The following TMEM135 variants were observed in gnomAD, a reference collection of about 807,000 sequenced individuals.
TMEM135 encodes the protein peroxisomal membrane protein 52.
TMEM135 carries 30 observed loss-of-function variants against 60.3 expected under a neutral mutation model. That is an observed-to-expected ratio of 0.50 (90% confidence interval 0.37 to 0.68). The LOEUF (loss-of-function observed/expected upper bound fraction) is 0.68, where lower values mean the gene tolerates loss of function less well. Among genes scored for constraint, TMEM135 ranks in the 30% least tolerant of loss-of-function variants. The pLI is 0.00. For synonymous variants in TMEM135, 190 were observed against 186.7 expected, an observed-to-expected ratio of 1.02 and a Z score of -0.14; for missense variants, 468 against 548.8, an observed-to-expected ratio of 0.85 and a Z score of 1.47.
At chr11:87,105,659 A>G (rs1286450881) in intron 4 of TMEM135, among the ~76,000 whole-genome samples, 4 of 152,236 alleles carry the variant, frequency 2.6e-5, no homozygotes, top group African/African-American at 4.8e-5. Flanking sequence ...TTTATATGCT[A>G]CATGTAATAT....
intron 4 of TMEM135, among the ~76,000 whole-genome samples, chr11:87,131,458 T>A (rs913815371): frequency 1.3e-5 from 2 of 152,196 alleles, no homozygotes; most frequent in Admixed American, 1.3e-4. Context: ...GAATGTGTTA[T>A]GTATACTATT....
At chr11:87,075,629 C>G (rs1856855951) in intron 3 of TMEM135, among the ~76,000 whole-genome samples, 1 of 152,126 alleles carries the variant, frequency 6.6e-6, no homozygotes, top group Non-Finnish European at 1.5e-5. Context: ...CACTTTTTCC[C>G]TCTACAGCAT....
chr11:87,208,578 A>G (rs1277370447), intron 5 of TMEM135, among the ~76,000 whole-genome samples: 1 of 152,226 alleles, frequency 6.6e-6, no homozygotes, highest in Non-Finnish European at 1.5e-5. Flanking sequence ...GACCAAACCT[A>G]CAACTCATTG....
chr11:87,286,472 C>T (rs964130046), intron 6 of TMEM135, among the ~76,000 whole-genome samples: 13 of 152,236 alleles, frequency 8.5e-5, no homozygotes, highest in Non-Finnish European at 1.6e-4. Context: ...GTGGACCCTG[C>T]GCCAGGGCCA....
chr11:87,299,178 C>T (rs531953294), intron 7 of TMEM135, among the ~76,000 whole-genome samples: 1 of 152,326 alleles, frequency 6.6e-6, no homozygotes, highest in African/African-American at 2.4e-5. Flanking sequence ...TCTGTTCTCA[C>T]ACTGCTATAA....
intron 7 of TMEM135, among the ~76,000 whole-genome samples, chr11:87,298,492 T>C (rs529331668): frequency 6.6e-6 from 1 of 152,284 alleles, no homozygotes; most frequent in African/African-American, 2.4e-5. Context: ...CTTTAAAATA[T>C]TAAATTTTCC....
intron 5 of TMEM135, among the ~76,000 whole-genome samples, chr11:87,166,726 A>C (rs978199142): frequency 6.7e-6 from 1 of 149,708 alleles, no homozygotes; most frequent in African/African-American, 2.5e-5. Context: ...TATAGTTTGA[A>C]GTAAGGTAGT....
intron 5 of TMEM135, among the ~76,000 whole-genome samples, chr11:87,162,038 A>G (rs1176486100): frequency 6.6e-6 from 1 of 152,228 alleles, no homozygotes; most frequent in Non-Finnish European, 1.5e-5. Context: ...AATAAAAAAC[A>G]TGCACAACAA....
chr11:87,080,844 G>A (rs1440018153), intron 3 of TMEM135, among the ~76,000 whole-genome samples: 2 of 151,896 alleles, frequency 1.3e-5, no homozygotes, highest in Non-Finnish European at 2.9e-5. Flanking sequence ...GTGCCACCAC[G>A]CCTGGCTAAT....
At chr11:87,195,381 C>CT (rs1210928611) in intron 5 of TMEM135, among the ~76,000 whole-genome samples, 2,517 of 123,536 alleles carry the variant, frequency 0.02, 209 homozygotes, top group Middle Eastern at 0.045. Context: ...TTCCTTCCTT[C>CT]CTTCCTTCCT....
At chr11:87,315,698 G>A (rs1043449442) in intron 12 of TMEM135, among the ~76,000 whole-genome samples, 6 of 151,846 alleles carry the variant, frequency 4.0e-5, no homozygotes, top group Admixed American at 6.6e-5. Context: ...TCTGAAATAC[G>A]TTGTTCTGGA....
chr11:87,325,702 ATT>A lies in TMEM135; in HGVS notation c.*4378_*4379del, dbSNP rs11308630. 1.3e-5 allele frequency: 6 copies of A among 447,676 alleles called. No individual in the cohort carries two copies. The highest frequency in any genetic ancestry group is 7.9e-5 in the South Asian group (5 of 63,438). The allele number at this position is 447,676 out of a possible 1,614,324, so 27.7% of individuals were successfully genotyped here. On this transcript the variant is annotated 3_prime_UTR_variant, in exon 15 of 15. Coordinates refer to ENST00000305494, the MANE Select transcript of TMEM135 (RefSeq NM_022918.4). ...GGAGTAAACATTTCCAGAGACACTGATTTTTTTTTTATATGCTCTGTTTTTCT... is the reference window on the plus strand; with the variant it reads ...GGAGTAAACATTTCCAGAGACACTGATTTTTTTTATATGCTCTGTTTTTCT...
intron 7 of TMEM135, among the ~76,000 whole-genome samples, chr11:87,298,280 T>G (rs1163477183): frequency 6.6e-6 from 1 of 152,168 alleles, no homozygotes; most frequent in Non-Finnish European, 1.5e-5. Context: ...ACTCAGAGCT[T>G]GATACATTTG....
chr11:87,144,622 A>G (rs1190954899), intron 4 of TMEM135, among the ~76,000 whole-genome samples: 1 of 152,034 alleles, frequency 6.6e-6, no homozygotes, highest in Non-Finnish European at 1.5e-5. Flanking sequence ...TGAAGAAAGT[A>G]TTACCTTTAA....
At chr11:87,248,863 T>C (rs1158687047) in intron 6 of TMEM135, among the ~76,000 whole-genome samples, 1 of 152,192 alleles carries the variant, frequency 6.6e-6, no homozygotes, top group Non-Finnish European at 1.5e-5. Flanking sequence ...TAATTGTATT[T>C]GTAGCTATTG....
chr11:87,046,482 GC>G (rs1322037060), intron 1 of TMEM135, among the ~76,000 whole-genome samples: 1 of 152,218 alleles, frequency 6.6e-6, no homozygotes, highest in Non-Finnish European at 1.5e-5. Flanking sequence ...AAGATTTTAA[GC>G]CTTGCTTATT....
chr11:87,327,524 A>G lies in TMEM135; in HGVS notation c.*6191A>G, dbSNP rs921711628. 1 of 453,434 alleles carries G rather than the reference A, an allele frequency of 2.2e-6. No homozygotes were observed. Among genetic ancestry groups the G allele is most frequent in the African/African-American group, 2.0e-5 (1 of 49,916 alleles). The allele number at this position is 453,434 out of a possible 1,614,324, so 28.1% of individuals were successfully genotyped here. A position where few individuals can be genotyped will look rare whatever the true frequency, so the allele number is the denominator to read the frequency against. The stretch of plus-strand genomic sequence containing the variant: ...GAGGCAGAACAATAGGGATAGAGAG[A>G]TACATAGAGAGAGATATGAGAGGGA... On this transcript the variant is annotated 3_prime_UTR_variant, in exon 15 of 15. Transcript: ENST00000305494.
At chr11:87,206,987 TTA>T (rs1940249697) in intron 5 of TMEM135, among the ~76,000 whole-genome samples, 1 of 152,168 alleles carries the variant, frequency 6.6e-6, no homozygotes, top group African/African-American at 2.4e-5. Flanking sequence ...CCTAAAATCA[TTA>T]AGACGTTCAT....
intron 7 of TMEM135, among the ~76,000 whole-genome samples, chr11:87,300,922 T>A (rs571146889): frequency 0.036 from 5,475 of 152,282 alleles, 93 homozygotes; most frequent in Admixed American, 0.046. Context: ...GTAAATCCTG[T>A]AAATGAACAG....
Sources: gnomAD v4.1 joint callset for allele counts (sites outside exome capture counted in the v4.1 genomes callset) on GRCh38, gnomAD v4.1.1 for gene constraint, MANE v1.5 for transcripts, NCBI Gene and HGNC (gene_info 2026-07-23, HGNC 2026-07-21) for gene names.